Variants in DLGAP1 observed in about 807,000 individuals in gnomAD.
The protein encoded by DLGAP1 is disks large-associated protein 1.
DLGAP1 carries 11 observed loss-of-function variants against 90.8 expected under a neutral mutation model. The ratio of observed to expected loss-of-function variants is 0.12; its 90% confidence interval spans 0.08 to 0.20. The LOEUF (loss-of-function observed/expected upper bound fraction) is 0.20, where lower values mean the gene tolerates loss of function less well. Among genes scored for constraint, DLGAP1 ranks in the 10% least tolerant of loss-of-function variants. The pLI is 1.00. For missense variants in DLGAP1, 1,050 were observed against 1,333.8 expected, an observed-to-expected ratio of 0.79 and a Z score of 3.31; for synonymous variants, 558 against 540.7, an observed-to-expected ratio of 1.03 and a Z score of -0.44.
intron 1 of DLGAP1, among the ~76,000 whole-genome samples, chr18:4,220,351 C>T (rs1423396970): frequency 1.3e-5 from 2 of 152,028 alleles, no homozygotes; most frequent in African/African-American, 2.4e-5. Context: ...TTGCCAAGAA[C>T]TTAGTATCCT....
intron 1 of DLGAP1, among the ~76,000 whole-genome samples, chr18:4,287,840 T>TA (rs1219392555): frequency 2.6e-5 from 4 of 151,460 alleles, no homozygotes; most frequent in African/African-American, 7.3e-5. Context: ...TCCCAGAACT[T>TA]AAAGTATAAT....
intron 4 of DLGAP1, among the ~76,000 whole-genome samples, chr18:3,861,092 C>A (rs1452383313): frequency 2.6e-5 from 4 of 152,138 alleles, no homozygotes; most frequent in African/African-American, 9.7e-5. Flanking sequence ...TCTTTGAATT[C>A]CCATTTCCTA....
intron 3 of DLGAP1, among the ~76,000 whole-genome samples, chr18:3,965,216 ATGTC>A (rs1356997840): frequency 2.6e-5 from 4 of 152,312 alleles, no homozygotes; most frequent in Admixed American, 6.5e-5. Context: ...CACTGTCAAA[ATGTC>A]AATATGGGCA....
chr18:4,396,357 C>T (rs1481626987), intron 1 of DLGAP1, among the ~76,000 whole-genome samples: 1 of 152,132 alleles, frequency 6.6e-6, no homozygotes, highest in Non-Finnish European at 1.5e-5. Flanking sequence ...TCCAATGACA[C>T]GGACAGAAGC....
At chr18:4,110,855 C>G (rs1382311888) in intron 2 of DLGAP1, among the ~76,000 whole-genome samples, 1 of 152,158 alleles carries the variant, frequency 6.6e-6, no homozygotes, top group Non-Finnish European at 1.5e-5. Context: ...CTCAGAAAGT[C>G]CCCTGAGATT....
intron 7 of DLGAP1, among the ~76,000 whole-genome samples, chr18:3,650,936 C>A (rs774479219): frequency 1.3e-5 from 2 of 150,204 alleles, no homozygotes; most frequent in South Asian, 2.1e-4. Context: ...TGTGGTCATG[C>A]GTGCCTGGAA....
rs373720638 is a variant in DLGAP1 at position 3,571,754 on chromosome 18, T to C, written c.1966-4173A>G. On this transcript the variant is annotated intron_variant, in intron 8 of 12. Coordinates refer to ENST00000315677, the MANE Select transcript of DLGAP1 (RefSeq NM_004746.4). The stretch of plus-strand genomic sequence containing the variant: ...TGTTGGCCAGGATGGTCTGGATCTC[T>C]TGACCTCGTGATCCGCCCGCCTCGG... Among the ~76,000 whole-genome samples, 77 of 150,714 alleles carry C rather than the reference T, an allele frequency of 5.1e-4. 7 individuals are homozygous for C. The South Asian group carries it at 5.4e-3, about 11-fold the overall frequency.
chr18:4,008,539 G>A (rs2074352076), intron 2 of DLGAP1, among the ~76,000 whole-genome samples: 1 of 152,180 alleles, frequency 6.6e-6, no homozygotes, highest in Middle Eastern at 3.2e-3. Context: ...AGGCACAGCA[G>A]TTGGATATAA....
intron 8 of DLGAP1, chr18:3,571,608 A>G (rs1599304345): frequency 6.6e-6 from 1 of 151,804 alleles, no homozygotes; most frequent in African/African-American, 2.4e-5. Context: ...GCTCACTGCA[A>G]CCTCCGCCTC....
intron 3 of DLGAP1, among the ~76,000 whole-genome samples, chr18:3,926,352 C>G (rs1035543875): frequency 6.6e-6 from 1 of 151,904 alleles, no homozygotes; most frequent in African/African-American, 2.4e-5. Flanking sequence ...CCAAATGTCC[C>G]TGGGGGCAAA....
rs940480941 is a variant in DLGAP1, at chr18:3,727,741, T to C, written c.1591+1394A>G. On this transcript the variant is annotated intron_variant, in intron 7 of 12. Coordinates refer to ENST00000315677, the MANE Select transcript of DLGAP1 (RefSeq NM_004746.4). This position sits in a 1 kb window ranked among gnomAD's most constrained non-coding sequence, Gnocchi z 4.7. Reference sequence around the variant, plus strand: ...TTCAAAAATATATATATTTTTCTCTTCATAAATAACTCTCATTTAATTTAT... The same window carrying C: ...TTCAAAAATATATATATTTTTCTCTCCATAAATAACTCTCATTTAATTTAT... 6.6e-6 allele frequency: 1 copy of C among 152,208 alleles called. No homozygotes were observed. The highest frequency in any genetic ancestry group is 1.5e-5 in the Non-Finnish European group (1 of 68,026). The allele number at this position is 152,208 out of a possible 1,614,324, so 9.4% of individuals were successfully genotyped here. A position where few individuals can be genotyped will look rare whatever the true frequency, so the allele number is the denominator to read the frequency against.
intron 2 of DLGAP1, among the ~76,000 whole-genome samples, chr18:4,133,297 C>T (rs964150402): frequency 1.3e-5 from 2 of 152,178 alleles, no homozygotes; most frequent in African/African-American, 4.8e-5. Flanking sequence ...CGATTCACTG[C>T]CCCAACACCA....
chr18:3,581,653 C>A (rs1357500336), intron 8 of DLGAP1, among the ~76,000 whole-genome samples: 3 of 114,980 alleles, frequency 2.6e-5, no homozygotes, highest in African/African-American at 6.3e-5. Context: ...ATAAAAAAAT[C>A]TTCTCACCAT....
At chr18:4,178,049 A>G (rs1344108687) in intron 1 of DLGAP1, among the ~76,000 whole-genome samples, 1 of 152,052 alleles carries the variant, frequency 6.6e-6, no homozygotes, top group Non-Finnish European at 1.5e-5. Context: ...TATTCTTTCT[A>G]TTCAAATCCA....
chr18:3,966,874 C>G (rs1266509364), intron 3 of DLGAP1, among the ~76,000 whole-genome samples: 1 of 152,032 alleles, frequency 6.6e-6, no homozygotes, highest in East Asian at 1.9e-4. Context: ...TATCTGAAAC[C>G]TTGGGACTAA....
rs186613726 is a variant in DLGAP1, at chr18:3,624,029, G to C, written c.1592-41781C>G. Among the ~76,000 whole-genome samples, 180 of 152,286 alleles carry C rather than the reference G, an allele frequency of 1.2e-3. 1 individual carries two copies. Among genetic ancestry groups the C allele is most frequent in the African/African-American group, 3.7e-3 (154 of 41,568 alleles). On this transcript the variant is annotated intron_variant, in intron 7 of 12. Coordinates refer to ENST00000315677, the MANE Select transcript of DLGAP1 (RefSeq NM_004746.4). ...GCTGCCACATTCCACCGCTCCAGCA[G>C]CGGAAGTAAGGCACATTTAGGCCCT...
intron 7 of DLGAP1, among the ~76,000 whole-genome samples, chr18:3,694,245 C>T (rs1598375687): frequency 6.6e-6 from 1 of 152,142 alleles, no homozygotes; most frequent in Non-Finnish European, 1.5e-5. Context: ...GCATAGTATT[C>T]CATGGTAAAT....
intron 7 of DLGAP1, among the ~76,000 whole-genome samples, chr18:3,620,587 C>T (rs1599579153): frequency 6.6e-6 from 1 of 152,030 alleles, no homozygotes; most frequent in East Asian, 1.9e-4. Context: ...GATGGAGTTT[C>T]ACTCTTGTCG....
At chr18:3,554,578 G>A (rs994070593) in intron 9 of DLGAP1, among the ~76,000 whole-genome samples, 1 of 152,198 alleles carries the variant, frequency 6.6e-6, no homozygotes, top group African/African-American at 2.4e-5. Flanking sequence ...ATGTGCATTT[G>A]CGATCCATGG....
Sources: allele counts gnomAD v4.1 joint callset (sites outside exome capture counted in the v4.1 genomes callset), GRCh38; gene constraint gnomAD v4.1.1; non-coding constraint Gnocchi (gnomAD v3.1); transcripts MANE v1.5; gene names NCBI Gene and HGNC (gene_info 2026-07-23, HGNC 2026-07-21).